The following RTL9 variants were observed in gnomAD, a reference collection of about 807,000 sequenced individuals.
The protein encoded by RTL9 is retrotransposon Gag-like protein 9.
In RTL9, 19 loss-of-function variants were observed where a neutral mutation model predicts 44.7. That is an observed-to-expected ratio of 0.42 (90% CI 0.30 to 0.62). The LOEUF (loss-of-function observed/expected upper bound fraction) is 0.62, where lower values mean the gene tolerates loss of function less well. Among genes scored for constraint, RTL9 ranks in the 20% least tolerant of loss-of-function variants. The pLI is 0.16. For synonymous variants in RTL9, 407 were observed against 398.9 expected (o/e 1.02, Z -0.24); for missense variants, 1,105 against 1,080.6 (o/e 1.02, Z -0.32).
chrX:110,416,809 G>T (rs146984878), upstream of RTL9, among the ~76,000 whole-genome samples: 4,351 of 112,001 alleles, frequency 0.039, 219 homozygotes, highest in African/African-American at 0.14. Flanking sequence ...GAGGCAAGGT[G>T]GCCCAGTGGT....
intron 1 of RTL9, among the ~76,000 whole-genome samples, chrX:110,424,905 T>C (rs753376192): frequency 8.9e-6 from 1 of 111,809 alleles, no homozygotes; most frequent in South Asian, 3.8e-4. Flanking sequence ...TATTGAGTGC[T>C]TTACTGTTAA....
At chrX:110,437,900 C>A (rs1312124528) in intron 1 of RTL9, among the ~76,000 whole-genome samples, 5 of 111,449 alleles carry the variant, frequency 4.5e-5, no homozygotes, top group Non-Finnish European at 9.4e-5. Flanking sequence ...CTGAGGGTAC[C>A]TTTGCAGGGA....
At chrX:110,448,917 A>G (rs1370728092), upstream of RTL9, among the ~76,000 whole-genome samples, 1 of 110,754 alleles carries the variant, frequency 9.0e-6, no homozygotes, top group African/African-American at 3.3e-5. Flanking sequence ...ATGTTCAGAT[A>G]TTTTTCTGAA....
chrX:110,441,275 T>A (rs989801167), intron 1 of RTL9, among the ~76,000 whole-genome samples: 1 of 112,006 alleles, frequency 8.9e-6, no homozygotes, highest in African/African-American at 3.2e-5. Flanking sequence ...AGGGCAGGGT[T>A]TGGCACTCTC....
exon 1 of RTL9, chrX:110,451,682 C>T: frequency 8.3e-7 from 1 of 1,211,810 alleles, no homozygotes; most frequent in Non-Finnish European, 1.1e-6. Context: ...CGGCCCTACC[C>T]TCTGGAGTGA....
chrX:110,396,293 A>G (rs1242337399), intron 1 of RTL9, among the ~76,000 whole-genome samples: 4 of 111,883 alleles, frequency 3.6e-5, no homozygotes, highest in Non-Finnish European at 7.5e-5. Context: ...CCAAGTATCC[A>G]TCACCCAGAT....
intron 1 of RTL9, among the ~76,000 whole-genome samples, chrX:110,425,707 C>T (rs145776493): frequency 0.019 from 2,091 of 112,030 alleles, 55 homozygotes; most frequent in African/African-American, 0.065. Flanking sequence ...ATTTCCCCCA[C>T]GTTACAGAGC....
intron 1 of RTL9, among the ~76,000 whole-genome samples, chrX:110,403,453 CAG>C (rs1427714520): frequency 8.9e-6 from 1 of 111,828 alleles, no homozygotes; most frequent in African/African-American, 3.3e-5. Context: ...GACAGACAGA[CAG>C]ACACACACAC....
chrX:110,435,513 A>G (rs993757847), intron 1 of RTL9, among the ~76,000 whole-genome samples: 1 of 112,034 alleles, frequency 8.9e-6, no homozygotes, highest in Non-Finnish European at 1.9e-5. Context: ...TCCCAGAACA[A>G]AATCCCATAA....
intron 1 of RTL9, among the ~76,000 whole-genome samples, chrX:110,396,250 A>G: frequency 1.8e-5 from 2 of 111,301 alleles, no homozygotes; most frequent in Middle Eastern, 9.2e-3. Context: ...TCAAACACAT[A>G]CACAAAAGTA....
At chrX:110,420,562 G>T (rs947897704) in intron 1 of RTL9, among the ~76,000 whole-genome samples, 1 of 111,818 alleles carries the variant, frequency 8.9e-6, no homozygotes, top group East Asian at 2.8e-4. Context: ...TTTTGTCATC[G>T]GTCTAAAAAG....
upstream of RTL9, among the ~76,000 whole-genome samples, chrX:110,450,358 G>C (rs1245729857): frequency 1.8e-5 from 2 of 111,631 alleles, no homozygotes; most frequent in Non-Finnish European, 3.8e-5. Context: ...GAGAGGCTGG[G>C]TTGGTTTGAA....
At chrX:110,409,085 G>T (rs1190171649) in intron 1 of RTL9, among the ~76,000 whole-genome samples, 3 of 111,595 alleles carry the variant, frequency 2.7e-5, no homozygotes, top group African/African-American at 9.8e-5. Flanking sequence ...ATTAACTGAG[G>T]TGCTTATAAA....
chrX:110,421,028 G>T (rs2068713702), intron 1 of RTL9, among the ~76,000 whole-genome samples: 1 of 111,887 alleles, frequency 8.9e-6, no homozygotes, highest in African/African-American at 3.3e-5. Context: ...TTATGTCATT[G>T]ATATTTGCGT....
At chrX:110,383,464 T>C (rs976346329) in intron 1 of RTL9, among the ~76,000 whole-genome samples, 15 of 111,234 alleles carry the variant, frequency 1.3e-4, no homozygotes, top group African/African-American at 4.3e-4. Flanking sequence ...TCTTCTACTG[T>C]ATATAAGGTC....
exon 1 of RTL9, chrX:110,454,400 A>G: frequency 8.2e-7 from 1 of 1,212,129 alleles, no homozygotes; most frequent in South Asian, 1.8e-5. Flanking sequence ...TGCTGGCCCG[A>G]CATTTGTCTT....
At chrX:110,444,262 G>A (rs1181262770) in intron 1 of RTL9, among the ~76,000 whole-genome samples, 1 of 112,887 alleles carries the variant, frequency 8.9e-6, no homozygotes, top group African/African-American at 3.2e-5. Context: ...ATTTCTCTCT[G>A]TCCATTCCTG....
At chrX:110,361,992 C>T (rs2068266864) in intron 1 of RTL9, among the ~76,000 whole-genome samples, 3 of 111,831 alleles carry the variant, frequency 2.7e-5, no homozygotes, top group East Asian at 2.8e-4. Context: ...GTGTACTGAC[C>T]CCTGCTAGAA....
At chrX:110,398,703 T>G (rs949200220) in intron 1 of RTL9, among the ~76,000 whole-genome samples, 1 of 112,160 alleles carries the variant, frequency 8.9e-6, no homozygotes, top group Non-Finnish European at 1.9e-5. Flanking sequence ...ACTCATTATA[T>G]TGGAAGTCAC....
Sources: gnomAD v4.1 joint callset for allele counts (sites outside exome capture counted in the v4.1 genomes callset) on GRCh38, gnomAD v4.1.1 for gene constraint, MANE v1.5 for transcripts, NCBI Gene and HGNC (gene_info 2026-07-23, HGNC 2026-07-21) for gene names.